The following COL22A1 variants were observed in gnomAD, a reference collection of about 807,000 sequenced individuals.
COL22A1 encodes the protein collagen type XXII alpha 1 chain, also known as collagen alpha-1(XXII) chain.
COL22A1 carries 221 observed loss-of-function variants against 248.9 expected under a neutral mutation model. That is an observed-to-expected ratio of 0.89 (90% CI 0.80 to 0.99). COL22A1 has a LOEUF of 0.99. Ranked by LOEUF, COL22A1 falls within the 50% of genes least tolerant of loss-of-function variation. The pLI, the probability that COL22A1 is intolerant of heterozygous loss-of-function variation, is 0.00. For synonymous variants in COL22A1, 891 were observed against 793.4 expected (o/e 1.12, Z -2.07); for missense variants, 2,240 against 2,179.0 (o/e 1.03, Z -0.56).
At chr8:138,826,159 A>G (rs2131784201) in intron 6 of COL22A1, 1 of 157,878 alleles carries the variant, frequency 6.3e-6, no homozygotes. Context: ...TCTCCCACCA[A>G]CGGTTCATGG....
In COL22A1 at chr8:138,878,014, G is replaced by A. The variant is rs1326421925; in HGVS notation, c.394C>T (p.His132Tyr). ...RYITARSFSP[H>Y]AGGRPRDRAY... ...CGGTCCCTGGGGCGGCCGCCGGCGTGTGGGGAGAAGCTGCGGGCCGTGATG... is the reference window on the plus strand; with the variant it reads ...CGGTCCCTGGGGCGGCCGCCGGCGTATGGGGAGAAGCTGCGGGCCGTGATG... Residue 132 changes from histidine to tyrosine, a missense_variant, in exon 3 of 65, where the codon CAC becomes TAC. Coordinates refer to ENST00000303045, the MANE Select transcript of COL22A1 (RefSeq NM_152888.3). The A allele has an allele frequency of 6.3e-7, 1 of 1,588,056 alleles. No individual in the cohort carries two copies. Among genetic ancestry groups the A allele is most frequent in the East Asian group, 2.3e-5 (1 of 43,522 alleles).
chr8:138,767,798 C>T (rs1171512506), intron 16 of COL22A1, among the ~76,000 whole-genome samples: 3 of 152,086 alleles, frequency 2.0e-5, no homozygotes, highest in Non-Finnish European at 2.9e-5. Flanking sequence ...CAGAGGGCGC[C>T]CCCACTCCAC....
intron 16 of COL22A1, among the ~76,000 whole-genome samples, chr8:138,775,249 G>T (rs1423331744): frequency 1.3e-5 from 2 of 152,196 alleles, no homozygotes; most frequent in Non-Finnish European, 2.9e-5. Flanking sequence ...AAATTCAGCA[G>T]CAGCTATGGT....
Position 138,755,528 on chromosome 8 carries a change from G to A in COL22A1, c.1948-17C>T, listed in dbSNP as rs779626004. The A allele has an allele frequency of 1.9e-6, 3 of 1,613,960 alleles. No individual in the cohort carries two copies. The South Asian group carries it at 3.3e-5, about 18-fold the overall frequency. On this transcript the variant is annotated splice_polypyrimidine_tract_variant and intron_variant, in intron 19 of 64. Coordinates refer to ENST00000303045, the MANE Select transcript of COL22A1 (RefSeq NM_152888.3). ...TTGCTGCACCTGAGAGACAAAGCAA[G>A]CATTAGCAAAGGTGCTGGCATTTCC... is the stretch of plus-strand genomic sequence containing the variant.
At chr8:138,719,177 T>C (rs1349427297) in intron 27 of COL22A1, among the ~76,000 whole-genome samples, 1 of 151,962 alleles carries the variant, frequency 6.6e-6, no homozygotes, top group African/African-American at 2.4e-5. Context: ...AATCAAACAC[T>C]GAAAGGTGGC....
intron 30 of COL22A1, among the ~76,000 whole-genome samples, chr8:138,704,829 C>T (rs1828279920): frequency 6.6e-6 from 1 of 152,212 alleles, no homozygotes; most frequent in South Asian, 2.1e-4. Context: ...TAACAAACTT[C>T]ACTGAGCTAA....
chr8:138,898,355 G>A (rs897688536), intron 1 of COL22A1, among the ~76,000 whole-genome samples: 1 of 151,928 alleles, frequency 6.6e-6, no homozygotes. Flanking sequence ...TAGCAAACAC[G>A]AAAATGAAAT....
chr8:138,865,625 GTA>G (rs1822813464), intron 3 of COL22A1, among the ~76,000 whole-genome samples: 1 of 150,460 alleles, frequency 6.6e-6, no homozygotes, highest in African/African-American at 2.4e-5. Flanking sequence ...GTGTGTGAGT[GTA>G]TGTGTATGTT....
chr8:138,671,597 C>T (rs1357651372), intron 41 of COL22A1, among the ~76,000 whole-genome samples: 7 of 152,112 alleles, frequency 4.6e-5, no homozygotes, highest in Non-Finnish European at 5.9e-5. Context: ...TTTTCTTTGT[C>T]GTGTTTATTG....
At chr8:138,597,955 C>A (rs896741918) in intron 61 of COL22A1, among the ~76,000 whole-genome samples, 1 of 152,120 alleles carries the variant, frequency 6.6e-6, no homozygotes, top group African/African-American at 2.4e-5. Flanking sequence ...GGAACTGACG[C>A]GACTGCAGAG....
At chr8:138,660,562 T>G in intron 43 of COL22A1, 82 bp from the exon 44 acceptor site, 1 of 1,245,092 alleles carries the variant, frequency 8.0e-7, no homozygotes, top group Non-Finnish European at 1.2e-6. Context: ...TGCCAATCTC[T>G]CTATCTGCTA....
intron 3 of COL22A1, among the ~76,000 whole-genome samples, chr8:138,846,536 A>C (rs1821255428): frequency 6.6e-6 from 1 of 152,164 alleles, no homozygotes; most frequent in Non-Finnish European, 1.5e-5. Context: ...CACATTCACC[A>C]GGCTCGAGGG....
At chr8:138,856,964 T>A (rs1179442447) in intron 3 of COL22A1, among the ~76,000 whole-genome samples, 1 of 152,084 alleles carries the variant, frequency 6.6e-6, no homozygotes, top group East Asian at 1.9e-4. Context: ...CTTTCCTGCA[T>A]GTCCCCATCC....
At chr8:138,895,526 T>C (rs552651150) in intron 1 of COL22A1, among the ~76,000 whole-genome samples, 1 of 151,620 alleles carries the variant, frequency 6.6e-6, no homozygotes, top group East Asian at 1.9e-4. Context: ...TTAGAAAACA[T>C]AGAGCAGGCC....
intron 51 of COL22A1, among the ~76,000 whole-genome samples, chr8:138,625,467 A>G (rs1007840205): frequency 8.5e-5 from 13 of 152,234 alleles, no homozygotes; most frequent in Non-Finnish European, 1.5e-5. Context: ...AAGGCAGTGC[A>G]TGGCCTTTGT....
At chr8:138,838,437 C>T (rs6993598) in intron 4 of COL22A1, among the ~76,000 whole-genome samples, 385 of 152,152 alleles carry the variant, frequency 2.5e-3, no homozygotes, top group African/African-American at 8.7e-3. Context: ...CAAAGTGGGC[C>T]GATCCTCTAC....
intron 61 of COL22A1, among the ~76,000 whole-genome samples, chr8:138,597,956 G>A (rs190150773): frequency 2.9e-4 from 44 of 152,256 alleles, no homozygotes; most frequent in Middle Eastern, 3.4e-3. Flanking sequence ...GAACTGACGC[G>A]ACTGCAGAGC....
Position 138,755,214 on chromosome 8 carries a change from G to C in COL22A1, c.1978-4C>G. On this transcript the variant is annotated splice_polypyrimidine_tract_variant and splice_region_variant and intron_variant, in intron 20 of 64. Transcript: ENST00000303045. ...GACCTCTGGGTCCTGGAGCTCCCTG[G>C]TAACACAAGCCAAACAGATGTTTAG... 1 of 1,613,952 alleles carries C rather than the reference G, an allele frequency of 6.2e-7. No individual in the cohort carries two copies. The highest frequency in any genetic ancestry group is 1.1e-5 in the South Asian group (1 of 91,054).
At position 138,630,746 on chromosome 8, in the gene COL22A1, C is replaced by A. The variant is rs201322169; in HGVS notation, c.3612G>T (p.Gly1204=). ...CAGCAGCTCCTGCAATTCCATCTGC[C>A]CCCTAAAAAAGACAAGGCAGAAAGC... ...MGPPGNPGPP[G]ADGIAGAAGP... Residue 1204 remains glycine, a splice_region_variant and synonymous_variant, in exon 50 of 65, where the codon GGG becomes GGT. Transcript: ENST00000303045. The A allele has an allele frequency of 1.2e-6, 2 of 1,613,766 alleles. No homozygotes were observed. Among genetic ancestry groups the A allele is most frequent in the African/African-American group, 2.7e-5 (2 of 74,998 alleles).
Sources: allele counts gnomAD v4.1 joint callset (sites outside exome capture counted in the v4.1 genomes callset), GRCh38; gene constraint gnomAD v4.1.1; transcripts MANE v1.5; gene names NCBI Gene and HGNC (gene_info 2026-07-23, HGNC 2026-07-21).